Variants in CTNNBL1 observed in about 807,000 individuals in gnomAD.
The protein encoded by CTNNBL1 is beta-catenin-like protein 1.
CTNNBL1 carries 31 observed loss-of-function variants against 72.7 expected under a neutral mutation model. The observed-to-expected ratio is 0.43, with a 90% confidence interval of 0.32 to 0.58. The LOEUF (loss-of-function observed/expected upper bound fraction) is 0.58. Among genes scored for constraint, CTNNBL1 ranks in the 20% least tolerant of loss-of-function variants. The probability of loss-of-function intolerance (pLI) is 0.08; values close to 1 mark genes in which losing one functional copy is unlikely to be tolerated. For missense variants in CTNNBL1, 534 were observed against 725.1 expected, an observed-to-expected ratio of 0.74 and a Z score of 3.03; for synonymous variants, 240 against 267.3, an observed-to-expected ratio of 0.90 and a Z score of 1.00.
chr20:37,810,100 T>G (rs2071996393), intron 11 of CTNNBL1, among the ~76,000 whole-genome samples: 2 of 152,160 alleles, frequency 1.3e-5, no homozygotes, highest in Non-Finnish European at 2.9e-5. Context: ...CTCATGCAAA[T>G]CTAACACAGT....
chr20:37,860,617 G>A (rs964362825), intron 15 of CTNNBL1, among the ~76,000 whole-genome samples: 1 of 152,172 alleles, frequency 6.6e-6, no homozygotes, highest in Non-Finnish European at 1.5e-5. Flanking sequence ...TTTTAAAAAA[G>A]CAAAACAAAA....
intron 2 of CTNNBL1, among the ~76,000 whole-genome samples, chr20:37,734,217 T>G (rs188357008): frequency 6.6e-6 from 1 of 152,392 alleles, no homozygotes; most frequent in Admixed American, 6.5e-5. Context: ...TACTGTGTTG[T>G]GACAATAGCT....
intron 1 of CTNNBL1, among the ~76,000 whole-genome samples, chr20:37,725,384 C>G (rs1164525711): frequency 3.3e-5 from 5 of 151,860 alleles, no homozygotes. Context: ...GCAACCTCTG[C>G]CTCCCCAGTT....
intron 11 of CTNNBL1, among the ~76,000 whole-genome samples, chr20:37,838,234 G>T (rs566186898): frequency 2.0e-5 from 3 of 152,340 alleles, no homozygotes; most frequent in South Asian, 2.1e-4. Flanking sequence ...CTGACGTTAG[G>T]TGTTAACCTA....
chr20:37,801,153 T>G (rs752105958), intron 10 of CTNNBL1, among the ~76,000 whole-genome samples: 2 of 152,226 alleles, frequency 1.3e-5, no homozygotes, highest in Non-Finnish European at 2.9e-5. Flanking sequence ...CATGTGAGAG[T>G]TATCCAGTAA....
Position 37,866,352 on chromosome 20 carries a change from C to G in CTNNBL1, c.1604-5573C>G, listed in dbSNP as rs1032072655. Reference sequence around the variant, plus strand: ...AACCACTCTTGGAGAACCAACTGTGCTAAGACCATGGAGCCTGCAGTGAGT... The same window carrying G: ...AACCACTCTTGGAGAACCAACTGTGGTAAGACCATGGAGCCTGCAGTGAGT... On this transcript the variant is annotated intron_variant, in intron 15 of 15. Coordinates refer to ENST00000361383, the MANE Select transcript of CTNNBL1 (RefSeq NM_030877.5). Among the ~76,000 whole-genome samples the G allele has an allele frequency of 5.2e-4, 79 of 152,198 alleles. 1 individual carries two copies. Among genetic ancestry groups the G allele is most frequent in the Non-Finnish European group, 1.2e-4 (8 of 68,038 alleles).
intron 6 of CTNNBL1, 133 bp downstream of exon 6, chr20:37,765,423 T>A: frequency 1.6e-6 from 1 of 608,356 alleles, no homozygotes; most frequent in Non-Finnish European, 2.9e-6. Flanking sequence ...CAAACTGCCT[T>A]CTCAGAAATG....
chr20:37,746,477 A>T lies in CTNNBL1; in HGVS notation c.336A>T (p.Glu112Asp), dbSNP rs200099302. 1 of 1,613,368 alleles carries T rather than the reference A, an allele frequency of 6.2e-7. No individual in the cohort carries two copies. The highest frequency in any genetic ancestry group is 1.3e-5 in the African/African-American group (1 of 75,022). The change falls in exon 4 of 16, where the codon GAA (glutamate) becomes GAT (aspartate). Residue 112 changes from glutamate to aspartate, a missense_variant. By Grantham distance (45) the Glu-to-Asp change is conservative. Transcript: ENST00000361383. ...TTGTTTTCCCTCCTAGGTTCATGGA[A>T]TCCGAGCTGGACCTAAATGACATCA... ...KFPDNPEKFMESELDLNDIIQ... is the reference protein window; with the variant it reads ...KFPDNPEKFMDSELDLNDIIQ...
intron 13 of CTNNBL1, among the ~76,000 whole-genome samples, chr20:37,858,667 A>G (rs1299797229): frequency 6.6e-6 from 1 of 152,232 alleles, no homozygotes; most frequent in African/African-American, 2.4e-5. Context: ...TAGATTGTAC[A>G]CTTTCAGTGG....
chr20:37,812,351 C>T (rs1211729350), intron 11 of CTNNBL1, among the ~76,000 whole-genome samples: 1 of 152,122 alleles, frequency 6.6e-6, no homozygotes, highest in African/African-American at 2.4e-5. Context: ...AACCTCTTGC[C>T]TTTTGTGGTT....
intron 13 of CTNNBL1, among the ~76,000 whole-genome samples, chr20:37,842,971 G>A (rs1330083558): frequency 1.3e-5 from 2 of 152,208 alleles, no homozygotes; most frequent in Non-Finnish European, 2.9e-5. Context: ...GTTGATTGTT[G>A]CTAAGAGAAG....
At chr20:37,865,836 C>G (rs1051135574) in intron 15 of CTNNBL1, among the ~76,000 whole-genome samples, 1 of 152,252 alleles carries the variant, frequency 6.6e-6, no homozygotes, top group African/African-American at 2.4e-5. Context: ...TCAAAACTCT[C>G]TCACTGCTGG....
chr20:37,814,243 G>A (rs2072035575), intron 11 of CTNNBL1, among the ~76,000 whole-genome samples: 1 of 152,224 alleles, frequency 6.6e-6, no homozygotes, highest in Non-Finnish European at 1.5e-5. Flanking sequence ...CTAACCTGTA[G>A]TGGGACTAAT....
In CTNNBL1 at chr20:37,713,239, G is replaced by A. The variant is rs541745296; in HGVS notation, c.30+19087G>A. 4.5e-4 allele frequency among the ~76,000 whole-genome samples: 69 copies of A among 152,312 alleles called. 1 individual carries two copies. The South Asian group carries it at 0.013, about 29-fold the overall frequency. On this transcript the variant is annotated intron_variant, in intron 1 of 15. Transcript: ENST00000361383. Reference sequence around the variant, plus strand: ...TGACATGACTTGTGCCAGTGGTTGCGTGGGGATTCCATAATGAAGACTGCA... The same window carrying A: ...TGACATGACTTGTGCCAGTGGTTGCATGGGGATTCCATAATGAAGACTGCA...
At chr20:37,815,995 A>G (rs1205023591) in intron 11 of CTNNBL1, among the ~76,000 whole-genome samples, 1 of 152,198 alleles carries the variant, frequency 6.6e-6, no homozygotes, top group Non-Finnish European at 1.5e-5. Context: ...TGTGTATTTA[A>G]TCATCTTGCA....
chr20:37,782,741 A>G (rs2073636689), intron 10 of CTNNBL1, among the ~76,000 whole-genome samples: 1 of 152,192 alleles, frequency 6.6e-6, no homozygotes, highest in African/African-American at 2.4e-5. Context: ...AATCCAGTGA[A>G]CATTTTACAT....
chr20:37,846,128 A>G (rs2235465), intron 13 of CTNNBL1, among the ~76,000 whole-genome samples: 124,709 of 152,040 alleles, frequency 0.82, 51,209 homozygotes, highest in Middle Eastern at 0.89. Flanking sequence ...TGCCGCAGAC[A>G]AGGGCTGGAG....
intron 3 of CTNNBL1, among the ~76,000 whole-genome samples, chr20:37,739,463 C>T (rs555842593): frequency 4.6e-5 from 7 of 152,062 alleles, no homozygotes; most frequent in African/African-American, 1.4e-4. Flanking sequence ...TTAAAATCGG[C>T]TTTTATGAAA....
chr20:37,708,879 C>T (rs951762810), intron 1 of CTNNBL1, among the ~76,000 whole-genome samples: 24 of 152,154 alleles, frequency 1.6e-4, no homozygotes, highest in Admixed American at 5.2e-4. Flanking sequence ...TGGCTCACAC[C>T]TGTAATCCCA....
Sources: allele counts gnomAD v4.1 joint callset (sites outside exome capture counted in the v4.1 genomes callset), GRCh38; gene constraint gnomAD v4.1.1; transcripts MANE v1.5; gene names NCBI Gene and HGNC (gene_info 2026-07-23, HGNC 2026-07-21).